Variants in BMP1 observed in about 807,000 individuals in gnomAD.
BMP1 encodes bone morphogenetic protein 1, also known as mammalian tolloid protein.
In BMP1, 63 loss-of-function variants were observed where a neutral mutation model predicts 116.8. The ratio of observed to expected loss-of-function variants is 0.54; its 90% confidence interval spans 0.44 to 0.67. The LOEUF (loss-of-function observed/expected upper bound fraction) is 0.67, where lower values mean the gene tolerates loss of function less well. Among genes scored for constraint, BMP1 ranks in the 30% least tolerant of loss-of-function variants. The pLI is 0.00. For missense variants in BMP1, 1,183 were observed against 1,358.9 expected, an observed-to-expected ratio of 0.87 and a Z score of 2.04; for synonymous variants, 536 against 533.4, an observed-to-expected ratio of 1.00 and a Z score of -0.07.
rs1223005874 is a variant in BMP1 at position 22,195,514 on chromosome 8, C to T, written c.1692C>T (p.Leu564=). The T allele has an allele frequency of 1.9e-6, 3 of 1,612,706 alleles. No individual in the cohort carries two copies. Among genetic ancestry groups the T allele is most frequent in the African/African-American group, 1.3e-5 (1 of 74,828 alleles). ...PNRGGCEQRC[L]NTLGSYKCSC... is the part of the protein sequence containing the mutation. ...GCGGGGGCTGTGAGCAGCGGTGCCT[C>T]AACACCCTGGGCAGCTACAAGTGCA... The change falls in exon 13 of 20, where the codon CTC becomes CTT. Residue 564 remains leucine (L), a synonymous_variant. Transcript: ENST00000306385.
intron 19 of BMP1, among the ~76,000 whole-genome samples, chr8:22,210,005 C>T (rs575343620): frequency 2.6e-5 from 4 of 152,264 alleles, no homozygotes; most frequent in Non-Finnish European, 4.4e-5. Flanking sequence ...CTCTGTCCCT[C>T]CTTTCCTTAC....
At chr8:22,198,627 G>C (rs1265952955) in intron 15 of BMP1, 2 of 157,442 alleles carry the variant, frequency 1.3e-5, no homozygotes, top group African/African-American at 4.8e-5. Flanking sequence ...ACAGGGGATA[G>C]GCAGGAAGGC....
At chr8:22,173,191 GTA>G (rs1235027751) in intron 1 of BMP1, among the ~76,000 whole-genome samples, 2 of 152,150 alleles carry the variant, frequency 1.3e-5, no homozygotes, top group African/African-American at 4.8e-5. Context: ...GCTCACACCT[GTA>G]TTCCCAGCCA....
chr8:22,168,906 C>T, intron 1 of BMP1, among the ~76,000 whole-genome samples: 1 of 152,186 alleles, frequency 6.6e-6, no homozygotes, highest in East Asian at 1.9e-4. Flanking sequence ...GGCAGTGGCT[C>T]ATGCCTGTAA....
rs941970276 is a variant in BMP1 at position 22,192,206 on chromosome 8, C to T, written c.1180+55C>T. On this transcript the variant is annotated intron_variant, in intron 9 of 19. Transcript: ENST00000306385. ...CCATGCTGATTCCCTCTCTGAGCCACCCTCATCACACTCTTCATCCCCCTC... is the reference window on the plus strand; with the variant it reads ...CCATGCTGATTCCCTCTCTGAGCCATCCTCATCACACTCTTCATCCCCCTC... The T allele has an allele frequency of 7.5e-6, 11 of 1,468,236 alleles. No individual in the cohort carries two copies. The South Asian group carries it at 1.3e-4, about 17-fold the overall frequency. The allele number at this position is 1,468,236 out of a possible 1,614,324, so 91.0% of individuals were successfully genotyped here. A position where few individuals can be genotyped will look rare whatever the true frequency, so the allele number is the denominator to read the frequency against.
chr8:22,205,883 G>C (rs1284902268), intron 16 of BMP1, among the ~76,000 whole-genome samples: 1 of 152,230 alleles, frequency 6.6e-6, no homozygotes, highest in Non-Finnish European at 1.5e-5. Flanking sequence ...ATGTGTTTGT[G>C]ATGTGAAGAA....
intron 9 of BMP1, chr8:22,192,395 G>A (rs1586458261): frequency 4.8e-6 from 2 of 420,264 alleles, no homozygotes; most frequent in East Asian, 9.1e-5. Context: ...GGGCCTCCCT[G>A]TGAAGTTGGC....
intron 8 of BMP1, among the ~76,000 whole-genome samples, chr8:22,187,727 C>G (rs1828817342): frequency 3.9e-5 from 6 of 151,974 alleles, no homozygotes; most frequent in Admixed American, 3.9e-4. Context: ...TTCCAGGATT[C>G]TAGTCTGAGC....
rs796511155 is a variant in BMP1, at chr8:22,211,810, C to T, written c.*82C>T. On this transcript the variant is annotated 3_prime_UTR_variant, in exon 20 of 20. Transcript: ENST00000306385. ...GATAGTGGGGGTGGGCGGAAGGCAA[C>T]GCACCATCCCTCTCCCCCAGGCCCC... 60 of 1,595,776 alleles carry T rather than the reference C, an allele frequency of 3.8e-5. No homozygotes were observed. Among genetic ancestry groups the T allele is most frequent in the African/African-American group, 2.0e-4 (15 of 74,762 alleles).
chr8:22,208,909 G>A (rs561419773), intron 18 of BMP1, among the ~76,000 whole-genome samples: 110 of 152,208 alleles, frequency 7.2e-4, no homozygotes, highest in Non-Finnish European at 5.1e-4. Flanking sequence ...GGGGAGGAGG[G>A]TGGCCCCATG....
intron 9 of BMP1, among the ~76,000 whole-genome samples, chr8:22,193,541 T>C (rs1212510040): frequency 6.6e-6 from 1 of 152,244 alleles, no homozygotes; most frequent in Non-Finnish European, 1.5e-5. Context: ...CCCAGAACTC[T>C]GGGAGGCCAA....
intron 8 of BMP1, among the ~76,000 whole-genome samples, chr8:22,190,873 C>T (rs1828912289): frequency 6.6e-6 from 1 of 152,176 alleles, no homozygotes; most frequent in African/African-American, 2.4e-5. Context: ...GAGCAGGACA[C>T]CCCTGAAACC....
intron 19 of BMP1, among the ~76,000 whole-genome samples, chr8:22,210,982 C>T (rs1311522105): frequency 2.2e-4 from 34 of 152,236 alleles, no homozygotes; most frequent in Non-Finnish European, 1.0e-4. Context: ...GGGCTGACCT[C>T]ACTCAGTAGG....
chr8:22,177,156 C>G lies in BMP1; in HGVS notation c.730+17C>G, dbSNP rs754653031. 3 of 1,582,060 alleles carry G rather than the reference C, an allele frequency of 1.9e-6. No homozygotes were observed. The highest frequency in any genetic ancestry group is 2.6e-6 in the Non-Finnish European group (3 of 1,161,108). On this transcript the variant is annotated intron_variant, in intron 5 of 19. Transcript: ENST00000306385. ...TCCAGCCAGGTAGGTACCTGCCCCT[C>G]GGTGCGGCCTTGGTGGGCGGCTCCC...
intron 8 of BMP1, among the ~76,000 whole-genome samples, chr8:22,181,659 A>T (rs1407807354): frequency 1.3e-5 from 2 of 149,536 alleles, no homozygotes; most frequent in Non-Finnish European, 3.0e-5. Context: ...GTCAAGCGAT[A>T]CTCCCACCTC....
intron 3 of BMP1, 30 bp downstream of exon 3, chr8:22,176,343 T>C: frequency 6.4e-7 from 1 of 1,572,312 alleles, no homozygotes; most frequent in Non-Finnish European, 8.6e-7. Flanking sequence ...TCCCAGAGTG[T>C]AACCAGCTTC....
chr8:22,171,431 C>T (rs1828273688), intron 1 of BMP1: 1 of 152,162 alleles, frequency 6.6e-6, no homozygotes, highest in South Asian at 2.1e-4. Context: ...TTGGAAAGCA[C>T]CACAAAAATT....
chr8:22,198,043 G>A (rs773639475), intron 15 of BMP1, among the ~76,000 whole-genome samples: 8 of 152,144 alleles, frequency 5.3e-5, no homozygotes, highest in Non-Finnish European at 1.0e-4. Flanking sequence ...AAATTAGCAG[G>A]GTGTAGTCGT....
At chr8:22,200,066 A>C (rs61371980) in intron 15 of BMP1, among the ~76,000 whole-genome samples, 19,589 of 152,184 alleles carry the variant, frequency 0.13, 1,535 homozygotes, top group African/African-American at 0.22. Flanking sequence ...TGGTTCATCT[A>C]TGGAATTCTG....
Sources: gnomAD v4.1 joint callset for allele counts (sites outside exome capture counted in the v4.1 genomes callset) on GRCh38, gnomAD v4.1.1 for gene constraint, MANE v1.5 for transcripts, NCBI Gene and HGNC (gene_info 2026-07-23, HGNC 2026-07-21) for gene names.